Variants in TAFA5 observed in about 807,000 individuals in gnomAD.
The protein encoded by TAFA5 is TAFA chemokine like family member 5, also known as chemokine-like protein TAFA-5.
In TAFA5, 6 loss-of-function variants were observed where a neutral mutation model predicts 15.3. The ratio of observed to expected loss-of-function variants is 0.39; its 90% CI spans 0.21 to 0.77. The LOEUF (loss-of-function observed/expected upper bound fraction) is 0.77, where lower values mean the gene tolerates loss of function less well. Among genes scored for constraint, TAFA5 ranks in the 30% least tolerant of loss-of-function variants. TAFA5 has a pLI of 0.41. For synonymous variants in TAFA5, 103 were observed against 80.7 expected (o/e 1.28, Z -1.48); for missense variants, 161 against 193.1 (o/e 0.83, Z 0.98).
At chr22:48,703,612 G>A (rs1928984517) in intron 2 of TAFA5, among the ~76,000 whole-genome samples, 1 of 152,246 alleles carries the variant, frequency 6.6e-6, no homozygotes, top group South Asian at 2.1e-4. Flanking sequence ...CTTGTGCTGG[G>A]TAGTGCGCTG....
chr22:48,649,915 C>T (rs1396317651), intron 2 of TAFA5, among the ~76,000 whole-genome samples: 1 of 152,140 alleles, frequency 6.6e-6, no homozygotes, highest in South Asian at 2.1e-4. Context: ...AAACCACATT[C>T]ACTTTCCTCT....
At chr22:48,733,257 A>T (rs1929917521) in intron 3 of TAFA5, among the ~76,000 whole-genome samples, 1 of 152,206 alleles carries the variant, frequency 6.6e-6, no homozygotes, top group Non-Finnish European at 1.5e-5. Flanking sequence ...AACAAATCAA[A>T]TGAGCAAAAG....
At chr22:48,500,614 G>T (rs1426182966) in intron 1 of TAFA5, among the ~76,000 whole-genome samples, 1 of 152,268 alleles carries the variant, frequency 6.6e-6, no homozygotes, top group Non-Finnish European at 1.5e-5. Flanking sequence ...GGCTGAGCTG[G>T]AGAGTAAACC....
chr22:48,587,229 G>A (rs1218628667), intron 1 of TAFA5, among the ~76,000 whole-genome samples: 1 of 152,204 alleles, frequency 6.6e-6, no homozygotes, highest in Non-Finnish European at 1.5e-5. Flanking sequence ...GCATTCCGGG[G>A]CTCTGGGATG....
intron 1 of TAFA5, among the ~76,000 whole-genome samples, chr22:48,534,338 G>A (rs1159377831): frequency 1.3e-5 from 2 of 152,056 alleles, no homozygotes; most frequent in Non-Finnish European, 2.9e-5. Context: ...GGTAGGTGAG[G>A]GGCCAGGCAG....
intron 1 of TAFA5, among the ~76,000 whole-genome samples, chr22:48,634,120 G>GCTCACTCGCTCA (rs1555894536): frequency 3.3e-5 from 5 of 150,742 alleles, no homozygotes; most frequent in Non-Finnish European, 7.4e-5. Context: ...TCACTCACTC[G>GCTCACTCGCTCA]CTCACTCACT....
intron 2 of TAFA5, among the ~76,000 whole-genome samples, chr22:48,650,938 G>A (rs1445410276): frequency 1.3e-5 from 2 of 152,196 alleles, no homozygotes; most frequent in East Asian, 1.9e-4. Context: ...CAGCACACAC[G>A]TGCTGGGTCC....
chr22:48,574,742 A>G (rs992472208), intron 1 of TAFA5, among the ~76,000 whole-genome samples: 1 of 152,120 alleles, frequency 6.6e-6, no homozygotes, highest in Non-Finnish European at 1.5e-5. Context: ...TTCAGGCAAA[A>G]ATACCTTGAG....
intron 1 of TAFA5, among the ~76,000 whole-genome samples, chr22:48,501,363 G>A (rs958766470): frequency 1.3e-5 from 2 of 152,248 alleles, no homozygotes; most frequent in African/African-American, 4.8e-5. Context: ...GGTTTTTGGT[G>A]CATTTTCCCG....
In TAFA5 at chr22:48,527,458, G is replaced by A. The variant is rs75778389; in HGVS notation, c.112+37754G>A. The stretch of plus-strand genomic sequence containing the variant: ...GCAACGGGACCGTGGACAGTGAGGC[G>A]GACTCCTGAGCTGTTGCAGCTGCCC... On this transcript the variant is annotated intron_variant, in intron 1 of 3. Transcript: ENST00000402357. Among the ~76,000 whole-genome samples the A allele has an allele frequency of 7.4e-3, 1,121 of 152,336 alleles. 12 individuals are homozygous for A. The highest frequency in any genetic ancestry group is 0.026 in the African/African-American group (1,066 of 41,574).
intron 1 of TAFA5, among the ~76,000 whole-genome samples, chr22:48,502,069 G>A (rs6008741): frequency 0.36 from 54,638 of 152,174 alleles, 12,307 homozygotes; most frequent in African/African-American, 0.64. Context: ...TGGCCCACCC[G>A]CTGTCTCTAC....
At chr22:48,510,131 AC>A (rs763078036) in intron 1 of TAFA5, among the ~76,000 whole-genome samples, 1 of 152,192 alleles carries the variant, frequency 6.6e-6, no homozygotes, top group Non-Finnish European at 1.5e-5. Context: ...ATTGGTCTGC[AC>A]AAAGGTTTTA....
intron 3 of TAFA5, among the ~76,000 whole-genome samples, chr22:48,714,161 A>G (rs796241863): frequency 4.6e-5 from 7 of 152,298 alleles, no homozygotes; most frequent in African/African-American, 1.7e-4. Context: ...GAGACAGCAG[A>G]CGCTTTTGCA....
At chr22:48,604,419 G>T (rs1031016031) in intron 1 of TAFA5, among the ~76,000 whole-genome samples, 4 of 152,226 alleles carry the variant, frequency 2.6e-5, no homozygotes, top group Non-Finnish European at 4.4e-5. Flanking sequence ...TGGGTTTTGA[G>T]CCGCCGTGGT....
At chr22:48,599,403 A>G (rs1480443634) in intron 1 of TAFA5, among the ~76,000 whole-genome samples, 1 of 152,230 alleles carries the variant, frequency 6.6e-6, no homozygotes, top group South Asian at 2.1e-4. Context: ...ACTGCTTCGC[A>G]TCGTTTGGGC....
chr22:48,673,742 G>A (rs573692405), intron 2 of TAFA5, among the ~76,000 whole-genome samples: 156 of 152,314 alleles, frequency 1.0e-3, no homozygotes, highest in African/African-American at 3.7e-3. Context: ...GGAAGGTGAA[G>A]GTGCATGGGG....
At chr22:48,611,642 T>C (rs1257061083) in intron 1 of TAFA5, among the ~76,000 whole-genome samples, 1 of 152,176 alleles carries the variant, frequency 6.6e-6, no homozygotes, top group Non-Finnish European at 1.5e-5. Flanking sequence ...CCTTTGGTGT[T>C]CTGATTGTGT....
intron 1 of TAFA5, chr22:48,576,519 C>G (rs1923809814): frequency 1.6e-5 from 24 of 1,514,054 alleles, no homozygotes; most frequent in Non-Finnish European, 2.1e-5. Flanking sequence ...TGGCAGGGGC[C>G]GCGCTCTGCT....
intron 2 of TAFA5, among the ~76,000 whole-genome samples, chr22:48,663,815 G>A (rs913724141): frequency 2.0e-5 from 3 of 152,206 alleles, no homozygotes; most frequent in African/African-American, 7.2e-5. Flanking sequence ...CAGACGGACT[G>A]TCGTGGCATC....
Sources: gnomAD v4.1 joint callset for allele counts (sites outside exome capture counted in the v4.1 genomes callset) on GRCh38, gnomAD v4.1.1 for gene constraint, MANE v1.5 for transcripts, NCBI Gene and HGNC (gene_info 2026-07-23, HGNC 2026-07-21) for gene names.